The following SLC25A18 variants were observed in gnomAD, a reference collection of about 807,000 sequenced individuals.
The protein encoded by SLC25A18 is mitochondrial glutamate carrier 2.
A neutral mutation model predicts 31.1 loss-of-function variants in SLC25A18; 24 were observed. The observed-to-expected ratio is 0.77, with a 90% CI of 0.56 to 1.08. SLC25A18 has a LOEUF of 1.08. Ranked by LOEUF, SLC25A18 falls within the 50% of genes least tolerant of loss-of-function variation. The pLI, the probability that SLC25A18 is intolerant of heterozygous loss-of-function variation, is 0.00. For missense variants in SLC25A18, 371 were observed against 418.5 expected, an observed-to-expected ratio of 0.89 and a Z score of 0.99; for synonymous variants, 173 against 161.9, an observed-to-expected ratio of 1.07 and a Z score of -0.52.
intron 7 of SLC25A18, among the ~76,000 whole-genome samples, 168 bp from the exon 8 acceptor site, chr22:17,586,968 C>T (rs140603665): frequency 1.6e-3 from 244 of 152,258 alleles, no homozygotes; most frequent in African/African-American, 5.6e-3. Flanking sequence ...AAGACGTCCT[C>T]AGAGCCAAAA....
chr22:17,577,619 C>T (rs1432686083), intron 2 of SLC25A18, among the ~76,000 whole-genome samples: 1 of 135,316 alleles, frequency 7.4e-6, no homozygotes, highest in Non-Finnish European at 1.5e-5. Flanking sequence ...CTCGCTGTGT[C>T]ACCCAGGCTG....
intron 2 of SLC25A18, among the ~76,000 whole-genome samples, chr22:17,578,015 C>T (rs946581529): frequency 6.8e-5 from 10 of 147,700 alleles, no homozygotes; most frequent in East Asian, 2.0e-4. Flanking sequence ...CATAGGGTTT[C>T]GCTCTGTTGC....
intron 2 of SLC25A18, among the ~76,000 whole-genome samples, chr22:17,571,439 G>A (rs2057084216): frequency 6.6e-6 from 1 of 152,150 alleles, no homozygotes; most frequent in African/African-American, 2.4e-5. Flanking sequence ...TAAATAGTGT[G>A]TCTTGTTCAC....
chr22:17,566,371 G>C (rs527566113), intron 1 of SLC25A18, among the ~76,000 whole-genome samples: 6 of 150,796 alleles, frequency 4.0e-5, no homozygotes, highest in Admixed American at 4.0e-4. Context: ...AATCTTCACA[G>C]AAACCATTCA....
In SLC25A18 at chr22:17,590,517, T is replaced by G; in HGVS notation, c.*281T>G. The stretch of plus-strand genomic sequence containing the variant: ...CAACAAAAATGGTACTTTCGTTGTA[T>G]TAATTGCAGGACCTTAACAGGTAGT... On this transcript the variant is annotated 3_prime_UTR_variant, in exon 11 of 11. Transcript: ENST00000327451. 2.8e-6 allele frequency: 1 copy of G among 361,472 alleles called. No individual in the cohort carries two copies. Among genetic ancestry groups the G allele is most frequent in the Non-Finnish European group, 5.1e-6 (1 of 197,400 alleles). The allele number at this position is 361,472 out of a possible 1,614,324, so 22.4% of individuals were successfully genotyped here. A position where few individuals can be genotyped will look rare whatever the true frequency, so the allele number is the denominator to read the frequency against.
chr22:17,566,819 A>G (rs751647008), intron 1 of SLC25A18, among the ~76,000 whole-genome samples: 64 of 152,126 alleles, frequency 4.2e-4, no homozygotes, highest in Non-Finnish European at 7.2e-4. Context: ...TCCCTACTCC[A>G]TAGCATCCTC....
At chr22:17,583,847 G>C (rs1318988223) in intron 7 of SLC25A18, among the ~76,000 whole-genome samples, 3 of 152,128 alleles carry the variant, frequency 2.0e-5, no homozygotes, top group African/African-American at 7.2e-5. Flanking sequence ...GGGAGGCTGA[G>C]GCAGGAGAAT....
At chr22:17,577,865 C>T (rs1001976679) in intron 2 of SLC25A18, among the ~76,000 whole-genome samples, 12 of 151,402 alleles carry the variant, frequency 7.9e-5, no homozygotes, top group East Asian at 5.9e-4. Flanking sequence ...TTAGTAGAGA[C>T]GGGGTTTCAC....
chr22:17,565,605 C>CTTTGGGAG (rs2056916422), intron 1 of SLC25A18, among the ~76,000 whole-genome samples: 1 of 151,704 alleles, frequency 6.6e-6, no homozygotes, highest in African/African-American at 2.4e-5. Context: ...TGTTGGCTCA[C>CTTTGGGAG]GCCTGTAATA....
intron 2 of SLC25A18, 23 bp from the exon 3 acceptor site, chr22:17,579,722 G>C: frequency 7.3e-7 from 1 of 1,376,856 alleles, no homozygotes; most frequent in Non-Finnish European, 9.4e-7. Flanking sequence ...TGTGAGGTGA[G>C]TGTTTCTCTG....
At chr22:17,576,551 G>C (rs1430700423) in intron 2 of SLC25A18, among the ~76,000 whole-genome samples, 1 of 152,154 alleles carries the variant, frequency 6.6e-6, no homozygotes, top group African/African-American at 2.4e-5. Context: ...GCCTTGGGGG[G>C]CAGTTATCGG....
chr22:17,568,555 CTTTTTTT>C (rs695361), intron 1 of SLC25A18, among the ~76,000 whole-genome samples: 2 of 62,532 alleles, frequency 3.2e-5, no homozygotes, highest in African/African-American at 7.0e-5. Flanking sequence ...TAAAGTACAT[CTTTTTTT>C]TTTTTTTTTT....
intron 7 of SLC25A18, among the ~76,000 whole-genome samples, chr22:17,584,399 A>AACAG (rs2057464493): frequency 9.0e-6 from 1 of 110,690 alleles, no homozygotes; most frequent in African/African-American, 3.5e-5. Context: ...TCTCAAAAAG[A>AACAG]AAAGAAAGAA....
At position 17,589,583 on chromosome 22, in the gene SLC25A18, G is replaced by T; in HGVS notation, c.731-7G>T. ...TCACTACTTACTTTAACTTTTACTT[G>T]ATTTAGTTCTGAAAACTCGAATCCA... is the stretch of plus-strand genomic sequence containing the variant. On this transcript the variant is annotated splice_polypyrimidine_tract_variant and splice_region_variant and intron_variant, in intron 9 of 10. Coordinates refer to ENST00000327451, the MANE Select transcript of SLC25A18 (RefSeq NM_031481.3). 6.2e-7 allele frequency: 1 copy of T among 1,613,778 alleles called. No homozygotes were observed. Among genetic ancestry groups the T allele is most frequent in the South Asian group, 1.1e-5 (1 of 91,042 alleles).
chr22:17,571,998 C>T (rs695291), intron 2 of SLC25A18, among the ~76,000 whole-genome samples: 55,165 of 149,942 alleles, frequency 0.37, 10,244 homozygotes, highest in African/African-American at 0.41. Context: ...GCCTGGGCAA[C>T]AGAGCAAGAC....
At chr22:17,588,872 C>A (rs532139215) in intron 9 of SLC25A18, 1 of 150,148 alleles carries the variant, frequency 6.7e-6, no homozygotes, top group Non-Finnish European at 1.5e-5. Flanking sequence ...CCAGCCTGGG[C>A]AACAAAGTGA....
At position 17,574,207 on chromosome 22, in the gene SLC25A18, C is replaced by T. The variant is rs2057168428; in HGVS notation, c.-201+4221C>T. 1.3e-5 allele frequency among the ~76,000 whole-genome samples: 2 copies of T among 151,900 alleles called. 1 individual carries two copies. Among genetic ancestry groups the T allele is most frequent in the South Asian group, 4.2e-4 (2 of 4,784 alleles). The stretch of plus-strand genomic sequence containing the variant: ...TGAGATTGCGCCACGGCGCTCCACC[C>T]TGGGCAACAGAGCCAGATCTTGTCC... On this transcript the variant is annotated intron_variant, in intron 2 of 10. Coordinates refer to ENST00000327451, the MANE Select transcript of SLC25A18 (RefSeq NM_031481.3).
Position 17,581,411 on chromosome 22 carries a change from G to A in SLC25A18, c.197G>A (p.Arg66Gln), listed in dbSNP as rs747077686. The stretch of plus-strand genomic sequence containing the variant: ...GCGGAGGGCTTCTTCGGCATGTACC[G>A]AGGTGGGCTTCTCAGGTCCCCTGGG... ...ARAEGFFGMY[R>Q]GAAVNLTLVT... Residue 66 changes from arginine (R) to glutamine (Q), a missense_variant and splice_region_variant, in exon 5 of 11, where the codon CGA becomes CAA. Arg to Gln is a conservative substitution (Grantham distance 43, BLOSUM62 1). Transcript: ENST00000327451. The A allele has an allele frequency of 6.2e-7, 1 of 1,614,044 alleles. No homozygotes were observed. Among genetic ancestry groups the A allele is most frequent in the Admixed American group, 1.7e-5 (1 of 60,014 alleles).
At chr22:17,588,236 C>A (rs1374015163) in intron 9 of SLC25A18, 157 bp downstream of exon 9, 17 of 752,130 alleles carry the variant, frequency 2.3e-5, no homozygotes, top group Non-Finnish European at 2.5e-5. Context: ...CCCAAGAGAC[C>A]TTCCTTCTGT....
Sources: gnomAD v4.1 joint callset for allele counts (sites outside exome capture counted in the v4.1 genomes callset) on GRCh38, gnomAD v4.1.1 for gene constraint, MANE v1.5 for transcripts, NCBI Gene and HGNC (gene_info 2026-07-23, HGNC 2026-07-21) for gene names.